SYT6: variants seen among roughly 807,000 people sequenced by gnomAD.
SYT6 encodes synaptotagmin 6, also known as synaptotagmin-6.
SYT6 carries 24 observed loss-of-function variants against 38.4 expected under a neutral mutation model. The ratio of observed to expected loss-of-function variants is 0.62; its 90% CI spans 0.45 to 0.88. SYT6 has a LOEUF of 0.88. Ranked by LOEUF, SYT6 falls within the 40% of genes least tolerant of loss-of-function variation. The pLI, the probability that SYT6 is intolerant of heterozygous loss-of-function variation, is 0.00. For synonymous variants in SYT6, 265 were observed against 241.9 expected (o/e 1.10, Z -0.89); for missense variants, 611 against 621.0 (o/e 0.98, Z 0.17).
intron 3 of SYT6, among the ~76,000 whole-genome samples, chr1:114,128,342 A>C (rs1677866885): frequency 6.6e-6 from 1 of 152,310 alleles, no homozygotes; most frequent in African/African-American, 2.4e-5. Flanking sequence ...TCTGATGGAA[A>C]GGGTAGTCTT....
chr1:114,097,787 G>T lies in SYT6; in HGVS notation c.1455C>A (p.Tyr485Ter), dbSNP rs747649131. The T allele has an allele frequency of 6.2e-7, 1 of 1,613,974 alleles. No individual in the cohort carries two copies. Residue 485 changes from tyrosine to a stop codon, truncating the protein, a stop_gained, in exon 6 of 8, where the codon TAC becomes TAA. Coordinates refer to ENST00000610222, the MANE Select transcript of SYT6 (RefSeq NM_001253772.2). LOFTEE classifies it high-confidence loss of function. ...GRDHWNEMLA[Y>*]PRKPIAHWHS... ...GCCAGTGTGCGATGGGCTTCCGGGG[G>T]TATGCCAGCATCTCGTTCCAGTGGT...
At chr1:114,120,430 C>A (rs998105417) in intron 3 of SYT6, among the ~76,000 whole-genome samples, 6 of 152,198 alleles carry the variant, frequency 3.9e-5, no homozygotes, top group Non-Finnish European at 7.3e-5. Context: ...GCAGGGCGTG[C>A]ACATTGTGTA....
At chr1:114,094,911 G>C (rs531009406) in intron 6 of SYT6, among the ~76,000 whole-genome samples, 2 of 152,226 alleles carry the variant, frequency 1.3e-5, no homozygotes, top group Admixed American at 6.5e-5. Flanking sequence ...ACAATGCATC[G>C]CGTGGACACA....
intron 3 of SYT6, among the ~76,000 whole-genome samples, chr1:114,106,466 C>T (rs1571833253): frequency 6.6e-6 from 1 of 152,040 alleles, no homozygotes; most frequent in Non-Finnish European, 1.5e-5. Context: ...TTCATATATC[C>T]TTGCCACTGC....
At chr1:114,128,836 T>G (rs1315665356) in intron 3 of SYT6, among the ~76,000 whole-genome samples, 1 of 152,230 alleles carries the variant, frequency 6.6e-6, no homozygotes, top group South Asian at 2.1e-4. Flanking sequence ...GAGTACCTCA[T>G]GGTTAAATCC....
intron 3 of SYT6, among the ~76,000 whole-genome samples, chr1:114,116,121 C>T (rs955171089): frequency 2.0e-5 from 3 of 152,228 alleles, no homozygotes; most frequent in Non-Finnish European, 2.9e-5. Context: ...GATGGTGTCA[C>T]CCTGCGTTAC....
chr1:114,117,828 C>T lies in SYT6; in HGVS notation c.1072-14107G>A, dbSNP rs1041755626. Reference sequence around the variant, plus strand: ...CACTGTGCCTCCCTGAGCTGTGCATCCTCAGCCGTAAAATGAGAGCATTGT... The same window carrying T: ...CACTGTGCCTCCCTGAGCTGTGCATTCTCAGCCGTAAAATGAGAGCATTGT... On this transcript the variant is annotated intron_variant, in intron 3 of 7. Transcript: ENST00000610222. Among the ~76,000 whole-genome samples the T allele has an allele frequency of 4.5e-4, 68 of 152,346 alleles. 2 individuals are homozygous for T. The highest frequency in any genetic ancestry group is 6.8e-3 in the Middle Eastern group (2 of 294).
intron 1 of SYT6, 134 bp downstream of exon 1, chr1:114,153,476 G>A (rs554524945): frequency 1.0e-4 from 56 of 536,750 alleles, no homozygotes; most frequent in Non-Finnish European, 1.6e-4. Context: ...GGCTGGACGA[G>A]GCTGGCTCCC....
chr1:114,142,074 GTCCAT>G (rs989036467), intron 1 of SYT6, among the ~76,000 whole-genome samples: 4 of 152,160 alleles, frequency 2.6e-5, no homozygotes. Flanking sequence ...CTAAAACAAC[GTCCAT>G]TCTGCAGCCC....
intron 3 of SYT6, among the ~76,000 whole-genome samples, chr1:114,115,542 G>A (rs1171902624): frequency 6.6e-6 from 1 of 151,322 alleles, no homozygotes; most frequent in Admixed American, 6.6e-5. Context: ...TCAGCCTCCC[G>A]AGTAGCTGGG....
intron 3 of SYT6, among the ~76,000 whole-genome samples, chr1:114,106,232 A>T (rs760596023): frequency 6.6e-6 from 1 of 151,988 alleles, no homozygotes; most frequent in Non-Finnish European, 1.5e-5. Context: ...AACTCTTTAG[A>T]TTCAGTGAGC....
intron 3 of SYT6, among the ~76,000 whole-genome samples, chr1:114,105,456 C>CT (rs1676238496): frequency 1.1e-4 from 1 of 9,244 alleles, no homozygotes; most frequent in African/African-American, 4.4e-4. Flanking sequence ...AAAAAAGTCA[C>CT]CCCCCAAATC....
intron 1 of SYT6, among the ~76,000 whole-genome samples, chr1:114,148,564 C>G (rs1426557617): frequency 3.9e-5 from 6 of 152,074 alleles, no homozygotes; most frequent in Non-Finnish European, 8.8e-5. Context: ...AGCCCAGAGG[C>G]CAGGGAGCAA....
chr1:114,098,293 G>A (rs548940330), intron 5 of SYT6, among the ~76,000 whole-genome samples: 1 of 152,142 alleles, frequency 6.6e-6, no homozygotes, highest in African/African-American at 2.4e-5. Flanking sequence ...TTATTCACTC[G>A]GTAAGAACAT....
chr1:114,118,974 T>G (rs952954063), intron 3 of SYT6, among the ~76,000 whole-genome samples: 6 of 152,196 alleles, frequency 3.9e-5, no homozygotes, highest in African/African-American at 1.4e-4. Flanking sequence ...CTGCCCTCCG[T>G]GCACACCATT....
rs549730687 is a variant in SYT6 at position 114,109,177 on chromosome 1, A to G, written c.1072-5456T>C. Among the ~76,000 whole-genome samples the G allele has an allele frequency of 2.6e-5, 4 of 152,320 alleles. No individual in the cohort carries two copies. In the East Asian group the frequency reaches 7.7e-4, roughly 29 times the overall value. On this transcript the variant is annotated intron_variant, in intron 3 of 7. Coordinates refer to ENST00000610222, the MANE Select transcript of SYT6 (RefSeq NM_001253772.2). Reference sequence around the variant, plus strand: ...CCCTGTGATATCTCCTCCCATAGCAACACAGGCCTCCTCTTCATAGCACAC... The same window carrying G: ...CCCTGTGATATCTCCTCCCATAGCAGCACAGGCCTCCTCTTCATAGCACAC...
intron 3 of SYT6, among the ~76,000 whole-genome samples, chr1:114,128,948 C>G (rs1201967047): frequency 6.6e-6 from 1 of 152,188 alleles, no homozygotes; most frequent in African/African-American, 2.4e-5. Flanking sequence ...AAATCTGTTT[C>G]TTTAGCCAAG....
At chr1:114,107,294 C>A (rs2101000244) in intron 3 of SYT6, among the ~76,000 whole-genome samples, 1 of 152,334 alleles carries the variant, frequency 6.6e-6, no homozygotes, top group Non-Finnish European at 1.5e-5. Context: ...GAGCAGTGAC[C>A]CGCAGACCTC....
At chr1:114,106,469 G>T (rs1212369714) in intron 3 of SYT6, among the ~76,000 whole-genome samples, 3 of 151,986 alleles carry the variant, frequency 2.0e-5, no homozygotes, top group Admixed American at 2.0e-4. Flanking sequence ...ATATATCCTT[G>T]CCACTGCTCA....
Sources: gnomAD v4.1 joint callset for allele counts (sites outside exome capture counted in the v4.1 genomes callset) on GRCh38, gnomAD v4.1.1 for gene constraint, MANE v1.5 for transcripts, NCBI Gene and HGNC (gene_info 2026-07-23, HGNC 2026-07-21) for gene names.